The following RAB8B variants were observed in gnomAD, a reference collection of about 807,000 sequenced individuals.
The protein encoded by RAB8B is RAB8B, member RAS oncogene family, also known as ras-related protein Rab-8B.
In RAB8B, 11 loss-of-function variants were observed where a neutral mutation model predicts 32.0. That is an observed-to-expected ratio of 0.34 (90% CI 0.22 to 0.57). The LOEUF is 0.57. RAB8B is among the 20% of genes least tolerant of loss of function. The pLI, the probability that RAB8B is intolerant of heterozygous loss-of-function variation, is 0.86. For missense variants in RAB8B, 190 were observed against 258.5 expected (o/e 0.73, Z 1.82); for synonymous variants, 103 against 89.6 (o/e 1.15, Z -0.85).
At position 63,259,911 on chromosome 15, in the gene RAB8B, T is replaced by C. The variant is rs1341978801; in HGVS notation, c.480+219T>C. On this transcript the variant is annotated intron_variant, in intron 6 of 7. Transcript: ENST00000321437. This position sits in a 1 kb window ranked among gnomAD's most constrained non-coding sequence, Gnocchi z 4.4. ...ATGCAGTGGCATGATCTCGGCTCAC[T>C]GCAACCTCTGCCTCCCAGGTTCAAG... Among the ~76,000 whole-genome samples the C allele has an allele frequency of 6.6e-6, 1 of 152,046 alleles. No individual in the cohort carries two copies. The highest frequency in any genetic ancestry group is 2.4e-5 in the African/African-American group (1 of 41,388).
At position 63,259,532 on chromosome 15, in the gene RAB8B, C is replaced by G. The variant is rs978327321; in HGVS notation, c.415-95C>G. On this transcript the variant is annotated intron_variant, in intron 5 of 7. Transcript: ENST00000321437. The surrounding 1 kb of genome is among the most constrained non-coding windows in gnomAD (Gnocchi z 4.4). Reference sequence around the variant, plus strand: ...ACCACAGGAGTTCTGAAATAGATACCCTACCTTTGAGACTTTGAAAAACCT... The same window carrying G: ...ACCACAGGAGTTCTGAAATAGATACGCTACCTTTGAGACTTTGAAAAACCT... 2.9e-6 allele frequency: 3 copies of G among 1,042,228 alleles called. No individual in the cohort carries two copies. Among genetic ancestry groups the G allele is most frequent in the Non-Finnish European group, 4.3e-6 (3 of 695,428 alleles). 64.6% of individuals were successfully genotyped at this position (1,042,228 alleles called of 1,614,324 possible). A position where few individuals can be genotyped will look rare whatever the true frequency, so the allele number is the denominator to read the frequency against.
intron 6 of RAB8B, among the ~76,000 whole-genome samples, chr15:63,260,331 A>C (rs1295927787): frequency 6.6e-6 from 1 of 152,254 alleles, no homozygotes; most frequent in Non-Finnish European, 1.5e-5. Flanking sequence ...GTATGCCTGC[A>C]GCAGAAGAGT....
intron 3 of RAB8B, among the ~76,000 whole-genome samples, chr15:63,250,550 T>C (rs1320017832): frequency 6.6e-6 from 1 of 152,166 alleles, no homozygotes; most frequent in Non-Finnish European, 1.5e-5. Flanking sequence ...TCACTTGTTA[T>C]GTTCTATCCT....
intron 1 of RAB8B, among the ~76,000 whole-genome samples, chr15:63,233,055 C>CTTTTTTTTTTTT (rs752891283): frequency 3.1e-4 from 44 of 141,498 alleles, no homozygotes; most frequent in Non-Finnish European, 4.7e-4. Context: ...AAGTAGCATT[C>CTTTTTTTTTTTT]TTTTTTTTTT....
chr15:63,252,076 A>G (rs1348645929), intron 3 of RAB8B, among the ~76,000 whole-genome samples: 1 of 151,874 alleles, frequency 6.6e-6, no homozygotes, highest in Non-Finnish European at 1.5e-5. Context: ...TCATAGACCA[A>G]CACCATCTTC....
At chr15:63,239,980 A>G (rs1036903091) in intron 1 of RAB8B, among the ~76,000 whole-genome samples, 2 of 152,130 alleles carry the variant, frequency 1.3e-5, no homozygotes, top group African/African-American at 4.8e-5. Flanking sequence ...CATGGGTGGA[A>G]TGGCATCCTC....
At chr15:63,234,212 T>C (rs2037959276) in intron 1 of RAB8B, among the ~76,000 whole-genome samples, 1 of 152,092 alleles carries the variant, frequency 6.6e-6, no homozygotes, top group Non-Finnish European at 1.5e-5. Context: ...CAGCTTATGC[T>C]GAAGGTCAGG....
chr15:63,258,660 T>C (rs2038177591), intron 5 of RAB8B, among the ~76,000 whole-genome samples: 2 of 152,210 alleles, frequency 1.3e-5, no homozygotes, highest in Non-Finnish European at 2.9e-5. Flanking sequence ...GCTTGAGCAC[T>C]GGTTACAGAA....
At chr15:63,224,317 A>T (rs1347225289) in intron 1 of RAB8B, among the ~76,000 whole-genome samples, 1 of 152,230 alleles carries the variant, frequency 6.6e-6, no homozygotes, top group Non-Finnish European at 1.5e-5. Context: ...TATTCTTCAA[A>T]TGGCCAAGTA....
intron 3 of RAB8B, among the ~76,000 whole-genome samples, chr15:63,253,909 G>A (rs2038138609): frequency 6.6e-6 from 1 of 152,180 alleles, no homozygotes; most frequent in Non-Finnish European, 1.5e-5. Flanking sequence ...GTAATACAAG[G>A]ACAAATAGAA....
chr15:63,223,077 A>G (rs1231715707), intron 1 of RAB8B: 1 of 455,680 alleles, frequency 2.2e-6, no homozygotes, highest in East Asian at 6.9e-5. Flanking sequence ...TTTCATGGTA[A>G]GTACCCTATA....
rs2038232236 is a variant in RAB8B, at chr15:63,264,806, G to A, written c.*1187G>A. On this transcript the variant is annotated 3_prime_UTR_variant, in exon 8 of 8. Transcript: ENST00000321437. ...GGAAAAGTCTTGCCTTTTCATTAGA[G>A]AAAACAGGACCAAGGTTTCAGTTTT... The A allele has an allele frequency of 6.6e-6, 1 of 152,380 alleles. No homozygotes were observed. Among genetic ancestry groups the A allele is most frequent in the Non-Finnish European group, 1.5e-5 (1 of 68,038 alleles). 9.4% of individuals were successfully genotyped at this position (152,380 alleles called of 1,614,324 possible). A position where few individuals can be genotyped will look rare whatever the true frequency, so the allele number is the denominator to read the frequency against.
intron 1 of RAB8B, among the ~76,000 whole-genome samples, chr15:63,234,874 C>T (rs1181485465): frequency 6.6e-6 from 1 of 152,202 alleles, no homozygotes; most frequent in African/African-American, 2.4e-5. Flanking sequence ...CAGAGTGCCA[C>T]TCCCAACAGT....
At chr15:63,247,697 T>C (rs1456271774) in intron 2 of RAB8B, among the ~76,000 whole-genome samples, 2 of 152,254 alleles carry the variant, frequency 1.3e-5, no homozygotes, top group Admixed American at 1.3e-4. Flanking sequence ...AGTAAAGTTA[T>C]ACATATTAGC....
At chr15:63,219,000 G>A (rs1005148943) in intron 1 of RAB8B, among the ~76,000 whole-genome samples, 4 of 101,812 alleles carry the variant, frequency 3.9e-5, no homozygotes, top group African/African-American at 1.3e-4. Context: ...TCTTCCAGCA[G>A]TGGATTTTTT....
rs115114210 is a variant in RAB8B at position 63,200,777 on chromosome 15, A to G, written c.124+11029A>G. 3.0e-3 allele frequency among the ~76,000 whole-genome samples: 455 copies of G among 152,382 alleles called. 7 individuals are homozygous for G. Among genetic ancestry groups the G allele is most frequent in the African/African-American group, 0.01 (436 of 41,588 alleles). On this transcript the variant is annotated intron_variant, in intron 1 of 7. Coordinates refer to ENST00000321437, the MANE Select transcript of RAB8B (RefSeq NM_016530.3). ...GGCCTAGAGGCATCGGGGTTGCCCA[A>G]GGTCACACAAAGCCTGACATTGAGC...
chr15:63,260,633 A>G (rs943677636), intron 6 of RAB8B, among the ~76,000 whole-genome samples: 2 of 152,178 alleles, frequency 1.3e-5, no homozygotes, highest in African/African-American at 2.4e-5. Flanking sequence ...GTGTATACCT[A>G]GGTAACAAAC....
intron 1 of RAB8B, among the ~76,000 whole-genome samples, chr15:63,219,150 T>G (rs1299616346): frequency 6.6e-6 from 1 of 151,082 alleles, no homozygotes; most frequent in African/African-American, 2.4e-5. Flanking sequence ...ATACAAAAAT[T>G]TAGCCGGGGT....
intron 2 of RAB8B, among the ~76,000 whole-genome samples, chr15:63,247,023 G>T (rs1435716553): frequency 6.6e-6 from 1 of 152,120 alleles, no homozygotes; most frequent in Non-Finnish European, 1.5e-5. Flanking sequence ...AAATACCATA[G>T]ACTGGGTGTC....
Sources: allele counts gnomAD v4.1 joint callset (sites outside exome capture counted in the v4.1 genomes callset), GRCh38; gene constraint gnomAD v4.1.1; non-coding constraint Gnocchi (gnomAD v3.1); transcripts MANE v1.5; gene names NCBI Gene and HGNC (gene_info 2026-07-23, HGNC 2026-07-21).